RNGTT: variants seen among roughly 807,000 people sequenced by gnomAD.
RNGTT encodes the protein mRNA-capping enzyme.
RNGTT carries 33 observed loss-of-function variants against 79.3 expected under a neutral mutation model. That is an observed-to-expected ratio of 0.42 (90% confidence interval 0.32 to 0.56). RNGTT has a LOEUF of 0.56. Among genes scored for constraint, RNGTT ranks in the 20% least tolerant of loss-of-function variants. RNGTT has a pLI of 0.17. For missense variants in RNGTT, 497 were observed against 739.1 expected (o/e 0.67, Z 3.80); for synonymous variants, 222 against 235.9 (o/e 0.94, Z 0.54).
chr6:88,963,349 C>A lies in RNGTT; in HGVS notation c.61G>T (p.Ala21Ser). 6.2e-7 allele frequency: 1 copy of A among 1,612,300 alleles called. No homozygotes were observed. Among genetic ancestry groups the A allele is most frequent in the Non-Finnish European group, 8.5e-7 (1 of 1,179,222 alleles). Residue 21 changes from alanine to serine, a missense_variant, in exon 1 of 16, where the codon GCA becomes TCA. This residue lies in a region of RNGTT where 440 missense variants were observed against 671.5 expected (regional missense o/e 0.66). Coordinates refer to ENST00000369485, the MANE Select transcript of RNGTT (RefSeq NM_003800.5). ...LNCPRRGQPV[A>S]GRFLPLKTML... ...AACGCCCCCCAGTCCAGGTTACCTG[C>A]CACCGGCTGGCCGCGCCGGGGACAG... is the stretch of plus-strand genomic sequence containing the variant.
intron 11 of RNGTT, among the ~76,000 whole-genome samples, chr6:88,814,026 G>C (rs1478717688): frequency 6.6e-6 from 1 of 152,090 alleles, no homozygotes; most frequent in African/African-American, 2.4e-5. Flanking sequence ...GGTAAGGCTA[G>C]GTTATAACCA....
intron 8 of RNGTT, among the ~76,000 whole-genome samples, chr6:88,872,155 A>G (rs1375305130): frequency 6.6e-6 from 1 of 152,210 alleles, no homozygotes; most frequent in Non-Finnish European, 1.5e-5. Flanking sequence ...ATACACATAT[A>G]AACTTTGTTT....
At chr6:88,700,321 T>G (rs1049439567) in intron 13 of RNGTT, among the ~76,000 whole-genome samples, 1 of 152,172 alleles carries the variant, frequency 6.6e-6, no homozygotes, top group East Asian at 1.9e-4. Context: ...TCATTTCTAA[T>G]TGAATGGAGA....
intron 13 of RNGTT, among the ~76,000 whole-genome samples, chr6:88,713,953 T>C (rs1776410335): frequency 2.6e-5 from 4 of 152,202 alleles, no homozygotes; most frequent in Admixed American, 2.6e-4. Flanking sequence ...GCACGGTCTA[T>C]TGGGCTAAGC....
At chr6:88,703,755 G>A (rs1050754797) in intron 13 of RNGTT, among the ~76,000 whole-genome samples, 1 of 152,092 alleles carries the variant, frequency 6.6e-6, no homozygotes, top group Admixed American at 6.5e-5. Flanking sequence ...TTCTTTCCAG[G>A]GGAAGCTGAT....
At chr6:88,895,229 CTGTG>C (rs5878081) in intron 6 of RNGTT, among the ~76,000 whole-genome samples, 21,459 of 145,052 alleles carry the variant, frequency 0.15, 1,905 homozygotes, top group African/African-American at 0.27. Flanking sequence ...AGAGAGAGCT[CTGTG>C]TGTGTGTGTG....
rs1486123332 is a variant in RNGTT, at chr6:88,653,424, C to T, written c.1506+24929G>A. 2.0e-5 allele frequency among the ~76,000 whole-genome samples: 3 copies of T among 152,004 alleles called. 1 individual carries two copies. The highest frequency in any genetic ancestry group is 6.6e-5 in the Admixed American group (1 of 15,250). Reference sequence around the variant, plus strand: ...GCTCAAAAGTCATCGAAATTTCCAGCTAAGAAAAATGCTAAATTTCTTAAT... The same window carrying T: ...GCTCAAAAGTCATCGAAATTTCCAGTTAAGAAAAATGCTAAATTTCTTAAT... On this transcript the variant is annotated intron_variant, in intron 14 of 15. Transcript: ENST00000369485.
At chr6:88,791,114 T>A (rs1468178937) in intron 12 of RNGTT, among the ~76,000 whole-genome samples, 2 of 149,550 alleles carry the variant, frequency 1.3e-5, no homozygotes, top group African/African-American at 4.9e-5. Flanking sequence ...ATTACCCAGA[T>A]GAACCCTAAA....
At chr6:88,615,781 T>C (rs1217323015) in intron 14 of RNGTT, among the ~76,000 whole-genome samples, 2 of 152,196 alleles carry the variant, frequency 1.3e-5, no homozygotes, top group African/African-American at 4.8e-5. Context: ...GAAAGAATAA[T>C]AATTGAAAGT....
intron 14 of RNGTT, among the ~76,000 whole-genome samples, chr6:88,640,693 G>A (rs1429714935): frequency 1.3e-5 from 2 of 152,092 alleles, no homozygotes; most frequent in Non-Finnish European, 2.9e-5. Flanking sequence ...TTGAGGATTA[G>A]AGGTGAAGAA....
At chr6:88,686,834 T>A (rs1031282587) in intron 13 of RNGTT, among the ~76,000 whole-genome samples, 1 of 152,040 alleles carries the variant, frequency 6.6e-6, no homozygotes, top group African/African-American at 2.4e-5. Context: ...GTCACAAGAA[T>A]AAACTCCAAA....
At chr6:88,718,447 G>A (rs1207818258) in intron 13 of RNGTT, among the ~76,000 whole-genome samples, 2 of 151,496 alleles carry the variant, frequency 1.3e-5, no homozygotes, top group African/African-American at 4.8e-5. Flanking sequence ...TTGTTACAAG[G>A]CACTAGGCTG....
intron 13 of RNGTT, among the ~76,000 whole-genome samples, chr6:88,745,905 T>C (rs1338744843): frequency 1.3e-5 from 2 of 152,172 alleles, no homozygotes; most frequent in African/African-American, 4.8e-5. Flanking sequence ...GCCTCTTATT[T>C]CCAAAGCTAC....
At chr6:88,816,042 A>C (rs1780304851) in intron 11 of RNGTT, among the ~76,000 whole-genome samples, 1 of 152,206 alleles carries the variant, frequency 6.6e-6, no homozygotes. Context: ...TTCTATCTAG[A>C]ATGTTGTATG....
chr6:88,702,544 T>C (rs778076759), intron 13 of RNGTT, among the ~76,000 whole-genome samples: 2 of 152,070 alleles, frequency 1.3e-5, no homozygotes, highest in Non-Finnish European at 2.9e-5. Flanking sequence ...TCTTTTACCA[T>C]AAACAAAAAT....
intron 14 of RNGTT, among the ~76,000 whole-genome samples, chr6:88,664,271 C>T (rs1308665137): frequency 2.0e-5 from 3 of 152,174 alleles, no homozygotes; most frequent in African/African-American, 7.2e-5. Flanking sequence ...AAGTCCAGTG[C>T]AATTTTATGA....
At chr6:88,741,208 A>G (rs1341733787) in intron 13 of RNGTT, among the ~76,000 whole-genome samples, 1 of 152,210 alleles carries the variant, frequency 6.6e-6, no homozygotes, top group Non-Finnish European at 1.5e-5. Flanking sequence ...GTGCCCATCA[A>G]CAGTGGATTC....
At chr6:88,743,051 T>C (rs1777546725) in intron 13 of RNGTT, among the ~76,000 whole-genome samples, 2 of 152,180 alleles carry the variant, frequency 1.3e-5, no homozygotes, top group Admixed American at 1.3e-4. Flanking sequence ...AAGCTAGATC[T>C]GAAATAATAA....
intron 2 of RNGTT, among the ~76,000 whole-genome samples, chr6:88,936,469 G>C (rs757835733): frequency 6.6e-6 from 1 of 152,208 alleles, no homozygotes; most frequent in Non-Finnish European, 1.5e-5. Context: ...CAGGGCAAAA[G>C]CTGAAAGCTT....
Sources: allele counts gnomAD v4.1 joint callset (sites outside exome capture counted in the v4.1 genomes callset), GRCh38; gene constraint gnomAD v4.1.1; regional missense constraint gnomAD v4.1.1; transcripts MANE v1.5; gene names NCBI Gene and HGNC (gene_info 2026-07-23, HGNC 2026-07-21).